The following MIAT variants were observed in gnomAD, a reference collection of about 807,000 sequenced individuals.
MIAT encodes the protein MI related novel mRNA.
At chr22:26,669,384 C>G (rs907194928) in exon 6 of MIAT, 40 of 398,482 alleles carry the variant, frequency 1.0e-4, no homozygotes, top group Middle Eastern at 6.2e-4. Flanking sequence ...GGTGAGGCCT[C>G]TCTCCTTGGC....
At chr22:26,654,938 T>C (rs1334098995) in intron 2 of MIAT, among the ~76,000 whole-genome samples, 1 of 152,144 alleles carries the variant, frequency 6.6e-6, no homozygotes, top group Non-Finnish European at 1.5e-5. Flanking sequence ...GGTCTCGATC[T>C]CCTGACCTCA....
At chr22:26,669,869 G>A (rs1361053734), downstream of MIAT, 1 of 398,636 alleles carries the variant, frequency 2.5e-6, no homozygotes, top group East Asian at 3.6e-5. Context: ...GAAGGGCCTG[G>A]GCTACAACCC....
intron 2 of MIAT, chr22:26,657,800 T>A: frequency 2.5e-6 from 1 of 397,798 alleles, no homozygotes; most frequent in Non-Finnish European, 4.4e-6. Context: ...GCCTGAAGTG[T>A]CCCGCATTGG....
intron 2 of MIAT, chr22:26,657,476 C>G (rs562619035): frequency 2.5e-6 from 1 of 398,682 alleles, no homozygotes; most frequent in Non-Finnish European, 4.4e-6. Flanking sequence ...TTCATGGGCG[C>G]TGCAGCAGCT....
chr22:26,655,082 C>T (rs1260895963), intron 2 of MIAT, among the ~76,000 whole-genome samples: 3 of 152,184 alleles, frequency 2.0e-5, no homozygotes, highest in Non-Finnish European at 4.4e-5. Context: ...ATACTCTGGG[C>T]AATGCTGTGA....
chr22:26,673,737 TG>T (rs763040728), downstream of MIAT: 3 of 398,606 alleles, frequency 7.5e-6, no homozygotes, highest in Non-Finnish European at 1.3e-5. Context: ...ATTTTGGGCG[TG>T]GTGGCTGCTC....
chr22:26,647,110 G>A (rs1043442987), intron 1 of MIAT: 6 of 398,286 alleles, frequency 1.5e-5, no homozygotes, highest in Non-Finnish European at 2.7e-5. Flanking sequence ...CAGCATGGCT[G>A]TATTGAAACG....
At chr22:26,659,300 A>G (rs1393214334) in intron 2 of MIAT, among the ~76,000 whole-genome samples, 1 of 151,872 alleles carries the variant, frequency 6.6e-6, no homozygotes, top group Non-Finnish European at 1.5e-5. Flanking sequence ...AATTGATCCC[A>G]CTCTAAGTTT....
At chr22:26,647,195 G>T (rs1318173679) in exon 2 of MIAT, 1 of 398,410 alleles carries the variant, frequency 2.5e-6, no homozygotes. Flanking sequence ...AAGCCCTCCA[G>T]AACCGCAGCA....
chr22:26,666,862 T>A (rs1400736533), exon 4 of MIAT: 2 of 372,858 alleles, frequency 5.4e-6, no homozygotes, highest in African/African-American at 4.2e-5. Flanking sequence ...TCTTCCAGGA[T>A]GGGCCTGTGG....
At chr22:26,669,076 G>C (rs1930955303) in exon 6 of MIAT, 2 of 398,526 alleles carry the variant, frequency 5.0e-6, no homozygotes, top group African/African-American at 4.1e-5. Flanking sequence ...TAGTTGCACT[G>C]CTCCTGGATT....
downstream of MIAT, chr22:26,670,543 T>C: frequency 2.7e-6 from 1 of 365,420 alleles, no homozygotes; most frequent in Non-Finnish European, 4.7e-6. Context: ...CTGGCTGAGA[T>C]GATACCCGAC....
At chr22:26,669,464 G>A in exon 6 of MIAT, 2 of 397,656 alleles carry the variant, frequency 5.0e-6, no homozygotes, top group Non-Finnish European at 4.4e-6. Flanking sequence ...GAGAGCATGA[G>A]CAGGCTCTGG....
At chr22:26,656,826 G>T (rs1930471199) in intron 2 of MIAT, among the ~76,000 whole-genome samples, 1 of 150,522 alleles carries the variant, frequency 6.6e-6, no homozygotes, top group African/African-American at 2.5e-5. Context: ...AGGACTGCTT[G>T]AACCCAGGAG....
intron 2 of MIAT, chr22:26,657,429 G>A: frequency 2.5e-6 from 1 of 396,822 alleles, no homozygotes. Context: ...GCCGGGGGTG[G>A]GGCGCCTCCG....
At chr22:26,651,778 A>G (rs1930340462) in intron 2 of MIAT, among the ~76,000 whole-genome samples, 1 of 152,236 alleles carries the variant, frequency 6.6e-6, no homozygotes, top group East Asian at 1.9e-4. Context: ...GCCGAGTGAA[A>G]GAAGCCAGCA....
exon 4 of MIAT, chr22:26,666,448 A>G (rs1930845717): frequency 2.5e-6 from 1 of 398,520 alleles, no homozygotes. Flanking sequence ...TGCTTCAAAC[A>G]ATGGGTGATT....
At chr22:26,652,624 A>G (rs5752373) in intron 2 of MIAT, among the ~76,000 whole-genome samples, 135,296 of 152,176 alleles carry the variant, frequency 0.89, 60,287 homozygotes, top group East Asian at 1. Context: ...CCAAAGTGCT[A>G]GGATTACAGG....
At chr22:26,666,499 A>G in exon 4 of MIAT, 3 of 398,684 alleles carry the variant, frequency 7.5e-6, no homozygotes, top group Non-Finnish European at 1.3e-5. Flanking sequence ...GAAGGGTTCC[A>G]GGGCCACCCA....
Sources: allele counts gnomAD v4.1 joint callset (sites outside exome capture counted in the v4.1 genomes callset), GRCh38; gene constraint gnomAD v4.1.1; transcripts MANE v1.5; gene names NCBI Gene and HGNC (gene_info 2026-07-23, HGNC 2026-07-21).